MTA3: variants seen among roughly 807,000 people sequenced by gnomAD.
MTA3 encodes metastasis-associated protein MTA3.
A neutral mutation model predicts 83.5 loss-of-function variants in MTA3; 34 were observed. The observed-to-expected ratio is 0.41, with a 90% CI of 0.31 to 0.54. The LOEUF is 0.54. MTA3 is among the 20% of genes least tolerant of loss of function. The pLI is 0.33. For missense variants in MTA3, 761 were observed against 726.4 expected, an observed-to-expected ratio of 1.05 and a Z score of -0.55; for synonymous variants, 303 against 252.7, an observed-to-expected ratio of 1.20 and a Z score of -1.89.
upstream of MTA3, chr2:42,568,041 T>C (rs1388219711): frequency 6.6e-6 from 1 of 152,174 alleles, no homozygotes; most frequent in East Asian, 1.9e-4. Context: ...CCCAGCTGGG[T>C]CTCTGGCGAG....
intron 13 of MTA3, 140 bp downstream of exon 13, chr2:42,708,194 G>A: frequency 1.2e-6 from 1 of 853,130 alleles, no homozygotes; most frequent in Non-Finnish European, 1.7e-6. Flanking sequence ...ACAATATTCA[G>A]GGTAGGTGTG....
intron 2 of MTA3, among the ~76,000 whole-genome samples, chr2:42,576,731 C>G (rs1299951298): frequency 6.6e-6 from 1 of 151,596 alleles, no homozygotes; most frequent in Non-Finnish European, 1.5e-5. Context: ...AACCCTGTCT[C>G]TACTAAAAGT....
chr2:42,608,569 G>A (rs1683786270), intron 3 of MTA3, among the ~76,000 whole-genome samples: 1 of 152,166 alleles, frequency 6.6e-6, no homozygotes, highest in Admixed American at 6.5e-5. Flanking sequence ...ACTTCAACAA[G>A]AGCATTATAT....
intron 13 of MTA3, among the ~76,000 whole-genome samples, chr2:42,708,538 G>T (rs938412019): frequency 5.9e-5 from 9 of 152,014 alleles, no homozygotes; most frequent in African/African-American, 2.2e-4. Flanking sequence ...ACCAGTGGGC[G>T]ACTACCCTTT....
At chr2:42,576,887 T>A (rs1679096543) in intron 2 of MTA3, among the ~76,000 whole-genome samples, 1 of 150,874 alleles carries the variant, frequency 6.6e-6, no homozygotes, top group Non-Finnish European at 1.5e-5. Context: ...ACAGTGAAAC[T>A]CCATCTCAAC....
chr2:42,625,580 A>C (rs1449282278), intron 4 of MTA3, among the ~76,000 whole-genome samples: 1 of 150,198 alleles, frequency 6.7e-6, no homozygotes, highest in East Asian at 2.0e-4. Context: ...CCCCGTCTCT[A>C]CTAAAAATAC....
At chr2:42,688,852 T>G (rs910269420) in intron 9 of MTA3, among the ~76,000 whole-genome samples, 38 of 152,164 alleles carry the variant, frequency 2.5e-4, no homozygotes, top group Admixed American at 2.5e-3. Flanking sequence ...TGGCTAGTAT[T>G]TCCAATACAG....
At chr2:42,506,290 A>G (rs1475968199) in intron 2 of MTA3, among the ~76,000 whole-genome samples, 2 of 149,636 alleles carry the variant, frequency 1.3e-5, no homozygotes, top group Non-Finnish European at 2.9e-5. Flanking sequence ...ACTAAAAATA[A>G]TTTTTTAGAA....
intron 8 of MTA3, among the ~76,000 whole-genome samples, chr2:42,671,032 T>G (rs1349222256): frequency 6.6e-6 from 1 of 152,056 alleles, no homozygotes; most frequent in Non-Finnish European, 1.5e-5. Context: ...ACTTGTGACA[T>G]TTAGTTGTTG....
In MTA3 at chr2:42,716,288, C is replaced by G. The variant is rs116172053; in HGVS notation, c.1526-2700C>G. Among the ~76,000 whole-genome samples, 109 of 152,302 alleles carry G rather than the reference C, an allele frequency of 7.2e-4. 1 individual carries two copies. The highest frequency in any genetic ancestry group is 2.6e-3 in the African/African-American group (107 of 41,554). ...CAGATTCCTGATTGTTTTAGGCTCT[C>G]TGCAGTATGTGCTTTGTCTATTTTA... is the stretch of plus-strand genomic sequence containing the variant. On this transcript the variant is annotated intron_variant, in intron 14 of 16. Coordinates refer to ENST00000405094, the MANE Select transcript of MTA3 (RefSeq NM_001330442.2).
In MTA3 at chr2:42,697,909, G is replaced by A; in HGVS notation, c.1025+75G>A. ...ATTGCAGAATATGTCATTTTGTTCA[G>A]TTTCAGCAAAATTTGAACTTTTGTG... On this transcript the variant is annotated intron_variant, in intron 11 of 16. Coordinates refer to ENST00000405094, the MANE Select transcript of MTA3 (RefSeq NM_001330442.2). The A allele has an allele frequency of 2.7e-6, 3 of 1,118,114 alleles. No homozygotes were observed. In the South Asian group the frequency reaches 5.1e-5, roughly 19 times the overall value. The allele number at this position is 1,118,114 out of a possible 1,614,324, so 69.3% of individuals were successfully genotyped here.
chr2:42,554,980 G>A (rs1277741824), intron 2 of MTA3, among the ~76,000 whole-genome samples: 1 of 151,960 alleles, frequency 6.6e-6, no homozygotes, highest in Non-Finnish European at 1.5e-5. Flanking sequence ...GTGAAACCCC[G>A]TCTTCACTAA....
chr2:42,683,042 G>T (rs1240004384), intron 9 of MTA3, among the ~76,000 whole-genome samples: 5 of 152,202 alleles, frequency 3.3e-5, no homozygotes, highest in African/African-American at 1.2e-4. Flanking sequence ...CTGCACTGCA[G>T]CCTGGGCAAC....
chr2:42,505,131 T>C lies in MTA3; in HGVS notation c.-141+9877T>C, dbSNP rs1674574423. Reference sequence around the variant, plus strand: ...AGATGGGGTGGGACGTGGTGACTCATGACTGTAATCCCATCACTTTGGGAG... The same window carrying C: ...AGATGGGGTGGGACGTGGTGACTCACGACTGTAATCCCATCACTTTGGGAG... On this transcript the variant is annotated intron_variant, in intron 2 of 17. Coordinates refer to the MTA3 transcript ENST00000405592. Among the ~76,000 whole-genome samples, 3 of 152,122 alleles carry C rather than the reference T, an allele frequency of 2.0e-5. No individual in the cohort carries two copies. In the South Asian group the frequency reaches 6.2e-4, roughly 32 times the overall value.
chr2:42,706,279 A>G (rs1377081846), intron 12 of MTA3, among the ~76,000 whole-genome samples: 1 of 152,156 alleles, frequency 6.6e-6, no homozygotes, highest in Non-Finnish European at 1.5e-5. Context: ...GTATAATAAT[A>G]ATAAAATAAA....
At chr2:42,660,917 T>C (rs528642915) in intron 8 of MTA3, among the ~76,000 whole-genome samples, 13 of 152,334 alleles carry the variant, frequency 8.5e-5, no homozygotes, top group Admixed American at 7.8e-4. Context: ...CTCCTGGCTT[T>C]AAAGCAGTCC....
At chr2:42,496,889 A>G (rs1674161675) in intron 2 of MTA3, among the ~76,000 whole-genome samples, 1 of 152,128 alleles carries the variant, frequency 6.6e-6, no homozygotes, top group South Asian at 2.1e-4. Flanking sequence ...ATCCATTTTC[A>G]TCAGGGCATT....
chr2:42,583,917 C>G (rs1021320217), intron 3 of MTA3, among the ~76,000 whole-genome samples: 6 of 151,696 alleles, frequency 4.0e-5, no homozygotes, highest in African/African-American at 1.5e-4. Flanking sequence ...GATCTCAGCT[C>G]AACGTAACCT....
At chr2:42,606,236 G>A (rs1288194207) in intron 3 of MTA3, among the ~76,000 whole-genome samples, 9 of 146,432 alleles carry the variant, frequency 6.1e-5, no homozygotes, top group East Asian at 2.0e-4. Flanking sequence ...GGTGGCTGCC[G>A]GGCGGAGACT....
Sources: allele counts gnomAD v4.1 joint callset (sites outside exome capture counted in the v4.1 genomes callset), GRCh38; gene constraint gnomAD v4.1.1; transcripts MANE v1.5; gene names NCBI Gene and HGNC (gene_info 2026-07-23, HGNC 2026-07-21).